HEATR5B: variants seen among roughly 807,000 people sequenced by gnomAD.
HEATR5B encodes the protein HEAT repeat-containing protein 5B.
HEATR5B carries 156 observed loss-of-function variants against 224.1 expected under a neutral mutation model. That is an observed-to-expected ratio of 0.70 (90% CI 0.61 to 0.80). The LOEUF (loss-of-function observed/expected upper bound fraction) is 0.80. Ranked by LOEUF, HEATR5B falls within the 30% of genes least tolerant of loss-of-function variation. The probability of loss-of-function intolerance (pLI) is 0.00; values close to 1 mark genes in which losing one functional copy is unlikely to be tolerated. For missense variants in HEATR5B, 2,323 were observed against 2,535.5 expected, an observed-to-expected ratio of 0.92 and a Z score of 1.80; for synonymous variants, 1,027 against 893.0, an observed-to-expected ratio of 1.15 and a Z score of -2.68.
In HEATR5B at chr2:36,995,535, G is replaced by A. The variant is rs545191301; in HGVS notation, c.5546-4736C>T. Among the ~76,000 whole-genome samples, 40 of 151,986 alleles carry A rather than the reference G, an allele frequency of 2.6e-4. 1 individual carries two copies. Among genetic ancestry groups the A allele is most frequent in the African/African-American group, 9.7e-4 (40 of 41,450 alleles). On this transcript the variant is annotated intron_variant, in intron 33 of 35. Transcript: ENST00000233099. ...CATTAATAAAACTAAAGTTATCCCT[G>A]GTAATTTTTTAGAAGTCACATATTC...
chr2:36,987,325 A>C (rs1413651096), intron 35 of HEATR5B, among the ~76,000 whole-genome samples: 1 of 151,640 alleles, frequency 6.6e-6, no homozygotes, highest in Non-Finnish European at 1.5e-5. Context: ...GCTACTCAGG[A>C]GGCTGAGGCA....
chr2:37,078,951 A>C (rs1672389506), intron 3 of HEATR5B, among the ~76,000 whole-genome samples, 169 bp downstream of exon 3: 1 of 152,218 alleles, frequency 6.6e-6, no homozygotes, highest in Non-Finnish European at 1.5e-5. Context: ...CAGCATGCCT[A>C]AAATTTAACT....
Position 37,084,349 on chromosome 2 carries a change from A to T in HEATR5B, c.-103T>A. On this transcript the variant is annotated 5_prime_UTR_variant, in exon 1 of 36. Coordinates refer to ENST00000233099, the MANE Select transcript of HEATR5B (RefSeq NM_019024.3). ...GAGACCCGGATGCCCCACCTCCCGC[A>T]CTCCTACCTGCAGGAAACAAGGGAA... 2.2e-6 allele frequency: 1 copy of T among 456,572 alleles called. No individual in the cohort carries two copies. Among genetic ancestry groups the T allele is most frequent in the Non-Finnish European group, 3.6e-6 (1 of 280,238 alleles). The allele number at this position is 456,572 out of a possible 1,614,324, so 28.3% of individuals were successfully genotyped here.
chr2:37,057,745 A>T (rs1386095151), intron 14 of HEATR5B, among the ~76,000 whole-genome samples: 1 of 152,072 alleles, frequency 6.6e-6, no homozygotes, highest in African/African-American at 2.4e-5. Flanking sequence ...GTGCCATAGC[A>T]TGCTTGTAGT....
chr2:37,059,406 ATGTGTGTGTGTGTGTGTGTGTGTGTGTG>A (rs529487124), intron 12 of HEATR5B, among the ~76,000 whole-genome samples: 1 of 100,224 alleles, frequency 1.0e-5, no homozygotes. Flanking sequence ...ATATATGTAT[ATGTGTGTGTGTGTGTGTGTGTGTGTGTG>A]TGTGTGTGTG....
At chr2:37,051,937 A>G (rs1277034924) in intron 17 of HEATR5B, among the ~76,000 whole-genome samples, 1 of 151,918 alleles carries the variant, frequency 6.6e-6, no homozygotes, top group Non-Finnish European at 1.5e-5. Flanking sequence ...ATGGAGTTTC[A>G]TCATGTTGGC....
At position 37,049,652 on chromosome 2, in the gene HEATR5B, C is replaced by T; in HGVS notation, c.2696+1G>A. The T allele has an allele frequency of 1.2e-6, 2 of 1,609,760 alleles. No individual in the cohort carries two copies. Among genetic ancestry groups the T allele is most frequent in the Non-Finnish European group, 8.5e-7 (1 of 1,178,864 alleles). Reference sequence around the variant, plus strand: ...ACTTGTTAGTAAAGAAACCCACTTACTTGTCAAAGCTATATTGGGCCATTC... The same window carrying T: ...ACTTGTTAGTAAAGAAACCCACTTATTTGTCAAAGCTATATTGGGCCATTC... On this transcript the variant is annotated splice_donor_variant, in intron 18 of 35. Transcript: ENST00000233099. LOFTEE classifies it high-confidence loss of function.
chr2:37,055,892 T>C (rs1336330104), intron 16 of HEATR5B, among the ~76,000 whole-genome samples: 1 of 152,246 alleles, frequency 6.6e-6, no homozygotes, highest in African/African-American at 2.4e-5. Flanking sequence ...AAGCTAGGAA[T>C]AGTGTCTGTG....
intron 33 of HEATR5B, among the ~76,000 whole-genome samples, chr2:36,998,771 T>C (rs1666891223): frequency 1.3e-5 from 2 of 151,930 alleles, no homozygotes; most frequent in South Asian, 4.1e-4. Flanking sequence ...TGAGATGACA[T>C]TATTTATGTA....
chr2:37,034,485 C>T (rs554318553), intron 21 of HEATR5B, among the ~76,000 whole-genome samples: 2 of 143,756 alleles, frequency 1.4e-5, no homozygotes, highest in Admixed American at 6.9e-5. Flanking sequence ...TAGTGGCGGG[C>T]GCCTGTAGTC....
intron 29 of HEATR5B, among the ~76,000 whole-genome samples, chr2:37,005,966 T>C (rs986889534): frequency 2.0e-5 from 3 of 152,344 alleles, no homozygotes; most frequent in South Asian, 4.1e-4. Context: ...ATATTCAAAT[T>C]AGCTATGTGT....
At chr2:37,081,076 A>T (rs1301695490) in intron 2 of HEATR5B, among the ~76,000 whole-genome samples, 1 of 152,230 alleles carries the variant, frequency 6.6e-6, no homozygotes. Flanking sequence ...ATCAAATAAG[A>T]CAGAATACTG....
Position 37,014,033 on chromosome 2 carries a change from A to T in HEATR5B, c.4105-13T>A. On this transcript the variant is annotated splice_polypyrimidine_tract_variant and intron_variant, in intron 26 of 35. Coordinates refer to ENST00000233099, the MANE Select transcript of HEATR5B (RefSeq NM_019024.3). ...ATGTACTACATACCTAGACAAAGAGAATTCAAAAACTTTTGTGTAAAAAAA... is the reference window on the plus strand; with the variant it reads ...ATGTACTACATACCTAGACAAAGAGTATTCAAAAACTTTTGTGTAAAAAAA... 2.0e-6 allele frequency: 3 copies of T among 1,481,476 alleles called. No homozygotes were observed. The highest frequency in any genetic ancestry group is 2.7e-6 in the Non-Finnish European group (3 of 1,103,554). 91.8% of individuals were successfully genotyped at this position (1,481,476 alleles called of 1,614,324 possible).
In HEATR5B at chr2:37,002,322, G is replaced by T; in HGVS notation, c.5301C>A (p.Ser1767=). The T allele has an allele frequency of 6.2e-7, 1 of 1,614,186 alleles. No individual in the cohort carries two copies. The highest frequency in any genetic ancestry group is 1.3e-5 in the African/African-American group (1 of 75,038). Residue 1767 remains serine (S), a synonymous_variant, in exon 32 of 36, where the codon TCC becomes TCA. Coordinates refer to ENST00000233099, the MANE Select transcript of HEATR5B (RefSeq NM_019024.3). ...ATACCGTACCAGCGGGTGAACAAAG[G>T]GATGGTAAATCAGAGAGTATGGTAA... ...ATVTILSDLP[S]LCSPAGCMTI...
chr2:36,991,495 CAAAA>C (rs56351937), intron 33 of HEATR5B, among the ~76,000 whole-genome samples: 3 of 101,310 alleles, frequency 3.0e-5, no homozygotes, highest in Admixed American at 1.2e-4. Context: ...AACTCTGTCT[CAAAA>C]AAAAAAAAAA....
intron 17 of HEATR5B, among the ~76,000 whole-genome samples, chr2:37,050,399 C>A (rs560099350): frequency 5.5e-4 from 84 of 152,162 alleles, no homozygotes; most frequent in African/African-American, 1.9e-3. Flanking sequence ...GAGACACTTG[C>A]GGGGAGTGTC....
At chr2:37,068,394 G>C (rs761453565) in intron 8 of HEATR5B, among the ~76,000 whole-genome samples, 20 of 152,136 alleles carry the variant, frequency 1.3e-4, no homozygotes, top group Non-Finnish European at 2.9e-4. Context: ...ATTACTCCTT[G>C]AAGACAGCAA....
intron 27 of HEATR5B, among the ~76,000 whole-genome samples, chr2:37,013,594 T>C (rs1431540931): frequency 6.6e-6 from 1 of 152,176 alleles, no homozygotes; most frequent in East Asian, 1.9e-4. Context: ...AAATAAAAGA[T>C]TTTTGGCATA....
chr2:37,020,584 G>C (rs868267406), intron 25 of HEATR5B, 71 bp downstream of exon 25: 6 of 1,134,814 alleles, frequency 5.3e-6, no homozygotes, highest in African/African-American at 4.8e-5. Context: ...CAGTCCTCCA[G>C]GAAGTCTGCA....
Sources: allele counts gnomAD v4.1 joint callset (sites outside exome capture counted in the v4.1 genomes callset), GRCh38; gene constraint gnomAD v4.1.1; transcripts MANE v1.5; gene names NCBI Gene and HGNC (gene_info 2026-07-23, HGNC 2026-07-21).